Variants in UGT8 observed in about 807,000 individuals in gnomAD.
UGT8 encodes the protein UDP glycosyltransferase 8, also known as 2-hydroxyacylsphingosine 1-beta-galactosyltransferase.
Under a neutral mutation model 40.5 loss-of-function variants are expected in UGT8, and 12 were observed. The observed-to-expected ratio is 0.30, with a 90% CI of 0.19 to 0.48. The LOEUF (loss-of-function observed/expected upper bound fraction) is 0.48. Ranked by LOEUF, UGT8 falls within the 20% of genes least tolerant of loss-of-function variation. The probability of loss-of-function intolerance (pLI) is 0.99; values close to 1 mark genes in which losing one functional copy is unlikely to be tolerated. For synonymous variants in UGT8, 224 were observed against 240.4 expected, an observed-to-expected ratio of 0.93 and a Z score of 0.63; for missense variants, 513 against 648.7, an observed-to-expected ratio of 0.79 and a Z score of 2.27.
At position 114,614,537 on chromosome 4, in the gene UGT8, T is replaced by C. The variant is rs1003081858; in HGVS notation, c.-2-8342T>C. Among the ~76,000 whole-genome samples the C allele has an allele frequency of 2.0e-5, 3 of 152,234 alleles. No individual in the cohort carries two copies. In the East Asian group the frequency reaches 5.8e-4, roughly 29 times the overall value. Reference sequence around the variant, plus strand: ...ATTTTAAAAGCAAAAGTGATTGTGTTAGAAATTTTGACCAAAAGCTTCTGA... The same window carrying C: ...ATTTTAAAAGCAAAAGTGATTGTGTCAGAAATTTTGACCAAAAGCTTCTGA... On this transcript the variant is annotated intron_variant, in intron 1 of 5. Transcript: ENST00000310836.
intron 4 of UGT8, among the ~76,000 whole-genome samples, chr4:114,666,217 G>T (rs1734869411): frequency 6.6e-6 from 1 of 152,082 alleles, no homozygotes; most frequent in African/African-American, 2.4e-5. Context: ...AGAAGCAGAA[G>T]ACCATGGGAA....
intron 2 of UGT8, among the ~76,000 whole-genome samples, chr4:114,647,299 G>A (rs957042322): frequency 1.3e-5 from 2 of 151,230 alleles, no homozygotes; most frequent in African/African-American, 4.9e-5. Flanking sequence ...ACCAATGCTC[G>A]TTGAATGCTT....
chr4:114,666,282 A>T (rs907174811), intron 4 of UGT8, among the ~76,000 whole-genome samples: 1 of 152,136 alleles, frequency 6.6e-6, no homozygotes, highest in Non-Finnish European at 1.5e-5. Context: ...GTCCTAAATC[A>T]TTGGGCATTT....
At chr4:114,603,024 T>C (rs1430144215) in intron 1 of UGT8, among the ~76,000 whole-genome samples, 2 of 152,150 alleles carry the variant, frequency 1.3e-5, no homozygotes, top group Non-Finnish European at 2.9e-5. Context: ...TTGAGGTCCT[T>C]GTACCAAAGT....
intron 2 of UGT8, among the ~76,000 whole-genome samples, chr4:114,625,990 A>G (rs909965534): frequency 3.3e-5 from 5 of 152,204 alleles, no homozygotes; most frequent in Admixed American, 2.0e-4. Context: ...ATGCACAGAC[A>G]TGGCATGTGT....
rs1056930120 is a variant in UGT8, at chr4:114,604,349, T to G, written c.-3+5375T>G. Among the ~76,000 whole-genome samples the G allele has an allele frequency of 7.9e-5, 12 of 152,212 alleles. No individual in the cohort carries two copies. The East Asian group carries it at 2.3e-3, about 29-fold the overall frequency. Reference sequence around the variant, plus strand: ...TAACAAAATGTAATTTAATATTTGATGATTCCAAAGGCACCTCTATACCTC... The same window carrying G: ...TAACAAAATGTAATTTAATATTTGAGGATTCCAAAGGCACCTCTATACCTC... On this transcript the variant is annotated intron_variant, in intron 1 of 5. Coordinates refer to ENST00000310836, the MANE Select transcript of UGT8 (RefSeq NM_001128174.3).
chr4:114,615,999 AG>A (rs1731400289), intron 1 of UGT8, among the ~76,000 whole-genome samples: 1 of 152,148 alleles, frequency 6.6e-6, no homozygotes, highest in Non-Finnish European at 1.5e-5. Context: ...GTGAGGTGTC[AG>A]TCTGCCCTTA....
rs758580111 is a variant in UGT8 at position 114,668,042 on chromosome 4, A to T, written c.1043-43A>T. ...ATTTCTGGGAAAATCTCTTCTGTAG[A>T]GTAATAATGTTGTAAGTTGTTTTCT... On this transcript the variant is annotated intron_variant, in intron 4 of 5. Transcript: ENST00000310836. The T allele has an allele frequency of 4.4e-6, 7 of 1,597,416 alleles. No individual in the cohort carries two copies. In the South Asian group the frequency reaches 7.9e-5, roughly 18 times the overall value.
intron 2 of UGT8, among the ~76,000 whole-genome samples, chr4:114,656,116 A>T (rs1279035139): frequency 1.3e-5 from 2 of 152,142 alleles, no homozygotes; most frequent in African/African-American, 4.8e-5. Context: ...GATGATGTCC[A>T]CTTTAATCGT....
rs1484428990 is a variant in UGT8, at chr4:114,675,957, T to C, written c.1295T>C (p.Ile432Thr). Residue 432 changes from isoleucine to threonine, a missense_variant, in exon 6 of 6, where the codon ATT becomes ACT. Transcript: ENST00000310836. ...YRQRAQKLSE[I>T]HKDQPGHPVN... The stretch of plus-strand genomic sequence containing the variant: ...CAGAGGGCTCAGAAGCTTTCGGAAA[T>C]TCACAAGGATCAACCTGGTCACCCT... The C allele has an allele frequency of 6.2e-7, 1 of 1,613,802 alleles. No homozygotes were observed. The highest frequency in any genetic ancestry group is 1.1e-5 in the South Asian group (1 of 91,028).
intron 1 of UGT8, among the ~76,000 whole-genome samples, chr4:114,618,406 G>C (rs578099539): frequency 6.6e-6 from 1 of 152,236 alleles, no homozygotes; most frequent in East Asian, 1.9e-4. Context: ...CATCCTTGCC[G>C]GTTTTATAAG....
At chr4:114,664,233 T>C in intron 3 of UGT8, 96 bp downstream of exon 3, 1 of 1,377,064 alleles carries the variant, frequency 7.3e-7, no homozygotes. Flanking sequence ...ATTGTTTCCC[T>C]GACAAGATTA....
intron 2 of UGT8, among the ~76,000 whole-genome samples, chr4:114,641,207 G>A (rs1198661772): frequency 6.6e-6 from 1 of 152,176 alleles, no homozygotes; most frequent in Non-Finnish European, 1.5e-5. Context: ...AACCACAAAA[G>A]CTCTACTATT....
At chr4:114,612,804 C>T (rs1484334719) in intron 1 of UGT8, among the ~76,000 whole-genome samples, 1 of 152,114 alleles carries the variant, frequency 6.6e-6, no homozygotes, top group Non-Finnish European at 1.5e-5. Flanking sequence ...TCTACTGAAC[C>T]ACAATTTACA....
intron 1 of UGT8, among the ~76,000 whole-genome samples, chr4:114,603,158 A>G (rs1304345860): frequency 6.6e-6 from 1 of 152,114 alleles, no homozygotes; most frequent in African/African-American, 2.4e-5. Context: ...ATGGGATGGG[A>G]ACTTAAAAGG....
At chr4:114,658,224 A>G (rs768411543) in intron 2 of UGT8, among the ~76,000 whole-genome samples, 1 of 152,154 alleles carries the variant, frequency 6.6e-6, no homozygotes, top group Non-Finnish European at 1.5e-5. Flanking sequence ...AGAAATATTA[A>G]ATGGGAAAAG....
chr4:114,669,478 A>G (rs1735101779), intron 5 of UGT8, among the ~76,000 whole-genome samples: 1 of 152,004 alleles, frequency 6.6e-6, no homozygotes, highest in South Asian at 2.1e-4. Flanking sequence ...TCAATCTTTC[A>G]GGAAAGTTTG....
chr4:114,601,829 G>GTTT (rs58806720), intron 1 of UGT8, among the ~76,000 whole-genome samples: 7 of 140,520 alleles, frequency 5.0e-5, no homozygotes, highest in Middle Eastern at 3.7e-3. Context: ...TTCTTTTTAT[G>GTTT]TTTTTTTTTT....
In UGT8 at chr4:114,622,639, G is replaced by A. The variant is rs1259867154; in HGVS notation, c.-2-240G>A. 9.5e-5 allele frequency: 38 copies of A among 399,548 alleles called. No individual in the cohort carries two copies. In the South Asian group the frequency reaches 1.2e-3, roughly 12 times the overall value. The allele number at this position is 399,548 out of a possible 1,614,324, so 24.8% of individuals were successfully genotyped here. ...TTTAATGATTGCCATTCTAACTGGT[G>A]TGAGATGATATCTCATTGTGGTTTT... On this transcript the variant is annotated intron_variant, in intron 1 of 5. Transcript: ENST00000310836.
Sources: allele counts gnomAD v4.1 joint callset (sites outside exome capture counted in the v4.1 genomes callset), GRCh38; gene constraint gnomAD v4.1.1; transcripts MANE v1.5; gene names NCBI Gene and HGNC (gene_info 2026-07-23, HGNC 2026-07-21).